CACNA2D1: variants seen among roughly 807,000 people sequenced by gnomAD.
CACNA2D1 encodes calcium voltage-gated channel auxiliary subunit alpha2delta 1, also known as voltage-dependent calcium channel subunit alpha-2/delta-1.
In CACNA2D1, 53 loss-of-function variants were observed where a neutral mutation model predicts 171.5. The ratio of observed to expected loss-of-function variants is 0.31; its 90% CI spans 0.25 to 0.39. CACNA2D1 has a LOEUF of 0.39. CACNA2D1 is among the 10% of genes least tolerant of loss of function. CACNA2D1 has a pLI of 1.00. For missense variants in CACNA2D1, 903 were observed against 1,299.8 expected (o/e 0.69, Z 4.69); for synonymous variants, 442 against 443.1 (o/e 1.00, Z 0.03).
chr7:82,115,944 G>A (rs1788991169), intron 6 of CACNA2D1, among the ~76,000 whole-genome samples: 1 of 152,118 alleles, frequency 6.6e-6, no homozygotes, highest in Admixed American at 6.6e-5. Context: ...TTTTACAGAT[G>A]AGAAAATGCC....
At chr7:82,201,438 G>A (rs1242192196) in intron 3 of CACNA2D1, among the ~76,000 whole-genome samples, 1 of 152,120 alleles carries the variant, frequency 6.6e-6, no homozygotes, top group African/African-American at 2.4e-5. Context: ...TTAGGTGTCT[G>A]GATAATTTGG....
chr7:82,117,758 G>C (rs1178057989), intron 5 of CACNA2D1, among the ~76,000 whole-genome samples: 1 of 152,140 alleles, frequency 6.6e-6, no homozygotes, highest in African/African-American at 2.4e-5. Context: ...TCTAGCCTGG[G>C]CAACAAAGTG....
chr7:82,214,508 T>C (rs1408481921), intron 3 of CACNA2D1, among the ~76,000 whole-genome samples: 1 of 151,518 alleles, frequency 6.6e-6, no homozygotes, highest in Non-Finnish European at 1.5e-5. Context: ...GCTGGGAAAG[T>C]AAGGACCTCA....
chr7:82,310,273 T>C (rs1814265460), intron 3 of CACNA2D1, among the ~76,000 whole-genome samples: 1 of 151,820 alleles, frequency 6.6e-6, no homozygotes, highest in Non-Finnish European at 1.5e-5. Flanking sequence ...CTATATGCAA[T>C]GTGTACAAGA....
intron 12 of CACNA2D1, among the ~76,000 whole-genome samples, chr7:82,030,525 A>C (rs1294675764): frequency 1.3e-5 from 2 of 151,782 alleles, no homozygotes; most frequent in Non-Finnish European, 2.9e-5. Context: ...AAAATCGGAT[A>C]TATCTCATGC....
At chr7:82,099,711 AGTGCTGGGATT>A (rs2129033310) in intron 6 of CACNA2D1, among the ~76,000 whole-genome samples, 1 of 57,736 alleles carries the variant, frequency 1.7e-5, no homozygotes, top group African/African-American at 5.0e-5. Flanking sequence ...GGCCTCCCAA[AGTGCTGGGATT>A]ACAGGCGTGA....
chr7:82,333,194 C>T (rs2129444086), intron 3 of CACNA2D1, among the ~76,000 whole-genome samples: 1 of 152,196 alleles, frequency 6.6e-6, no homozygotes, highest in South Asian at 2.1e-4. Context: ...TGGTCTGAAT[C>T]AATATAATAC....
chr7:82,232,121 G>C (rs79556764), intron 3 of CACNA2D1, among the ~76,000 whole-genome samples: 1 of 151,928 alleles, frequency 6.6e-6, no homozygotes, highest in African/African-American at 2.4e-5. Flanking sequence ...ATAGGAATAC[G>C]AGCCAAAGAG....
rs371535458 is a variant in CACNA2D1 at position 81,982,747 on chromosome 7, A to G, written c.1895-120T>C. 2.5e-5 allele frequency: 19 copies of G among 756,068 alleles called. No homozygotes were observed. In the African/African-American group the frequency reaches 3.1e-4, roughly 12 times the overall value. 46.8% of individuals were successfully genotyped at this position (756,068 alleles called of 1,614,324 possible). A position where few individuals can be genotyped will look rare whatever the true frequency, so the allele number is the denominator to read the frequency against. On this transcript the variant is annotated intron_variant, in intron 23 of 38. Transcript: ENST00000356860. ...AAGAAAAATTGAAAATAGAGTACTT[A>G]CATCCTAAAATTGAAACATATCAAT...
intron 3 of CACNA2D1, among the ~76,000 whole-genome samples, chr7:82,218,613 T>C (rs1217423596): frequency 6.6e-6 from 1 of 152,192 alleles, no homozygotes; most frequent in Non-Finnish European, 1.5e-5. Flanking sequence ...AGGAAGGAAG[T>C]ACAGAACCAA....
intron 1 of CACNA2D1, among the ~76,000 whole-genome samples, chr7:82,439,619 A>G (rs1830351669): frequency 6.6e-6 from 1 of 151,494 alleles, no homozygotes; most frequent in African/African-American, 2.4e-5. Context: ...AATTATATCC[A>G]TTTCAGTCTG....
At chr7:82,284,991 C>T (rs1315676799) in intron 3 of CACNA2D1, among the ~76,000 whole-genome samples, 2 of 152,020 alleles carry the variant, frequency 1.3e-5, no homozygotes, top group African/African-American at 2.4e-5. Flanking sequence ...CCTTAAAACT[C>T]CACCCACATC....
chr7:82,217,296 A>G (rs747623333), intron 3 of CACNA2D1, among the ~76,000 whole-genome samples: 1 of 150,876 alleles, frequency 6.6e-6, no homozygotes, highest in Admixed American at 6.6e-5. Flanking sequence ...GATAAACAGA[A>G]AATAAGATGT....
At chr7:82,207,578 A>C (rs1043158000) in intron 3 of CACNA2D1, among the ~76,000 whole-genome samples, 1 of 152,124 alleles carries the variant, frequency 6.6e-6, no homozygotes, top group Non-Finnish European at 1.5e-5. Flanking sequence ...AAGTATACTA[A>C]TTTGGAGGCT....
chr7:81,991,250 G>C lies in CACNA2D1; in HGVS notation c.1735-4C>G, dbSNP rs1466797032. ...TGTTTCCTTTGTCAATATATCTCTA[G>C]AAAGAAGTTTAACGTGGTTATTATC... On this transcript the variant is annotated splice_region_variant and splice_polypyrimidine_tract_variant and intron_variant, in intron 20 of 38. Coordinates refer to ENST00000356860, the MANE Select transcript of CACNA2D1 (RefSeq NM_000722.4). The C allele has an allele frequency of 1.4e-6, 2 of 1,465,036 alleles. No individual in the cohort carries two copies. Among genetic ancestry groups the C allele is most frequent in the Non-Finnish European group, 1.9e-6 (2 of 1,044,574 alleles). 90.8% of individuals were successfully genotyped at this position (1,465,036 alleles called of 1,614,324 possible).
At chr7:82,298,576 CTTT>C (rs144109103) in intron 3 of CACNA2D1, among the ~76,000 whole-genome samples, 2 of 141,512 alleles carry the variant, frequency 1.4e-5, no homozygotes, top group Non-Finnish European at 1.5e-5. Flanking sequence ...GTGCAAATGT[CTTT>C]TTTTTTTTTT....
intron 1 of CACNA2D1, among the ~76,000 whole-genome samples, chr7:82,407,965 A>G (rs1238467029): frequency 1.3e-5 from 2 of 151,868 alleles, no homozygotes; most frequent in South Asian, 2.1e-4. Flanking sequence ...CCCAACTTCC[A>G]TCAGAATAAA....
intron 4 of CACNA2D1, among the ~76,000 whole-genome samples, chr7:82,140,721 C>T (rs112630868): frequency 0.029 from 4,379 of 151,894 alleles, 96 homozygotes; most frequent in South Asian, 0.08. Context: ...TTTGGGAGGC[C>T]GAGGCGGGTG....
chr7:82,106,218 G>GT (rs1368004588), intron 6 of CACNA2D1, among the ~76,000 whole-genome samples: 2 of 152,048 alleles, frequency 1.3e-5, no homozygotes, highest in African/African-American at 4.8e-5. Context: ...GAGAAATCGA[G>GT]TAAGATTTTA....
Sources: allele counts gnomAD v4.1 joint callset (sites outside exome capture counted in the v4.1 genomes callset), GRCh38; gene constraint gnomAD v4.1.1; transcripts MANE v1.5; gene names NCBI Gene and HGNC (gene_info 2026-07-23, HGNC 2026-07-21).